CTDP1: variants seen among roughly 807,000 people sequenced by gnomAD.
CTDP1 encodes the protein RNA polymerase II subunit A C-terminal domain phosphatase.
A neutral mutation model predicts 91.8 loss-of-function variants in CTDP1; 47 were observed. That is an observed-to-expected ratio of 0.51 (90% CI 0.41 to 0.65). The LOEUF (loss-of-function observed/expected upper bound fraction) is 0.65. Among genes scored for constraint, CTDP1 ranks in the 30% least tolerant of loss-of-function variants. The probability of loss-of-function intolerance (pLI) is 0.00; values close to 1 mark genes in which losing one functional copy is unlikely to be tolerated. For missense variants in CTDP1, 1,272 were observed against 1,373.7 expected (o/e 0.93, Z 1.17); for synonymous variants, 656 against 598.5 (o/e 1.10, Z -1.40).
chr18:79,732,326 TA>T (rs1446046354), intron 11 of CTDP1, among the ~76,000 whole-genome samples: 1 of 149,338 alleles, frequency 6.7e-6, no homozygotes, highest in Non-Finnish European at 1.5e-5. Context: ...ACATGAGAAC[TA>T]ACATCAGGAG....
chr18:79,736,664 C>G, intron 12 of CTDP1, 143 bp downstream of exon 12: 1 of 858,192 alleles, frequency 1.2e-6, no homozygotes, highest in Non-Finnish European at 1.7e-6. Flanking sequence ...AACTCAGCAG[C>G]CCCTGGTGAT....
chr18:79,731,334 C>T (rs979177646), intron 11 of CTDP1, among the ~76,000 whole-genome samples: 21 of 152,170 alleles, frequency 1.4e-4, no homozygotes, highest in Non-Finnish European at 2.9e-5. Flanking sequence ...GAGGAAGGGT[C>T]TCCACGTCGA....
chr18:79,702,001 C>T (rs1384943504), intron 4 of CTDP1, among the ~76,000 whole-genome samples: 3 of 152,198 alleles, frequency 2.0e-5, no homozygotes, highest in African/African-American at 7.2e-5. Context: ...GGAGAAGATG[C>T]TGCGAATGTT....
chr18:79,741,018 GGTCCCCCGTGCGGTTGATCTGTCCCTGA>G lies in CTDP1; in HGVS notation c.2747+4503_2747+4530del, dbSNP rs1401380620. 1.0e-4 allele frequency among the ~76,000 whole-genome samples: 15 copies of G among 146,044 alleles called. 1 individual carries two copies. The East Asian group carries it at 3.2e-3, about 31-fold the overall frequency. ...GGTTGATCTGTCCCTGAGTCCCTGA[GGTCCCCCGTGCGGTTGATCTGTCCCTGA>G]GTCCCTGAGGTCCCCCGTACGGTTG... On this transcript the variant is annotated intron_variant, in intron 12 of 12. Coordinates refer to ENST00000613122, the MANE Select transcript of CTDP1 (RefSeq NM_004715.5).
chr18:79,727,156 AG>A (rs2122722716), intron 10 of CTDP1, among the ~76,000 whole-genome samples: 1 of 152,258 alleles, frequency 6.6e-6, no homozygotes, highest in East Asian at 1.9e-4. Context: ...GAGACCCCAG[AG>A]GTGGGGTGTT....
intron 12 of CTDP1, among the ~76,000 whole-genome samples, chr18:79,748,933 G>A (rs145118773): frequency 1.5e-3 from 220 of 147,430 alleles, no homozygotes; most frequent in African/African-American, 4.8e-3. Flanking sequence ...TGTGTGAGCC[G>A]TGTTGGTGCA....
rs769892450 is a variant in CTDP1 at position 79,714,819 on chromosome 18, C to A, written c.1359C>A (p.Asp453Glu). 6.2e-7 allele frequency: 1 copy of A among 1,602,884 alleles called. No homozygotes were observed. The highest frequency in any genetic ancestry group is 8.5e-7 in the Non-Finnish European group (1 of 1,175,958). The change falls in exon 8 of 13, where the codon GAC (aspartate) becomes GAA (glutamate). Residue 453 changes from aspartate (D) to glutamate (E), a missense_variant. Transcript: ENST00000613122. ...CCACGGGCACTGACCTGGACTTTGA[C>A]TTATCCAGCGACAGCGAGAGCAGCA... ...QGATGTDLDFDLSSDSESSSE... is the reference protein window; with the variant it reads ...QGATGTDLDFELSSDSESSSE...
intron 5 of CTDP1, among the ~76,000 whole-genome samples, chr18:79,705,885 T>C: frequency 6.6e-6 from 1 of 152,246 alleles, no homozygotes; most frequent in Non-Finnish European, 1.5e-5. Flanking sequence ...AATATTCACC[T>C]GTAACATTAT....
chr18:79,718,269 C>G (rs1344385836), intron 10 of CTDP1, among the ~76,000 whole-genome samples: 1 of 152,190 alleles, frequency 6.6e-6, no homozygotes, highest in Admixed American at 6.5e-5. Context: ...TGTCCAGGCA[C>G]CCGCATGTGC....
chr18:79,725,070 T>C (rs2086418393), intron 10 of CTDP1, among the ~76,000 whole-genome samples: 1 of 152,254 alleles, frequency 6.6e-6, no homozygotes, highest in Non-Finnish European at 1.5e-5. Context: ...TGTGTGGTTT[T>C]TCTTCTTTTG....
At chr18:79,687,767 T>G (rs1325068365) in intron 1 of CTDP1, among the ~76,000 whole-genome samples, 1 of 152,274 alleles carries the variant, frequency 6.6e-6, no homozygotes, top group Non-Finnish European at 1.5e-5. Context: ...TTAAAGTGTT[T>G]TCAGGCTGGA....
At position 79,708,027 on chromosome 18, in the gene CTDP1, A is replaced by G. The variant is rs371950736; in HGVS notation, c.773-2319A>G. 4.0e-4 allele frequency among the ~76,000 whole-genome samples: 61 copies of G among 152,370 alleles called. No homozygotes were observed. The East Asian group carries it at 9.1e-3, about 23-fold the overall frequency. ...CTCAGTGATCATCTGGAATTTACGCATAGTGAGAAACAATCGCATTTATTT... is the reference window on the plus strand; with the variant it reads ...CTCAGTGATCATCTGGAATTTACGCGTAGTGAGAAACAATCGCATTTATTT... On this transcript the variant is annotated intron_variant, in intron 5 of 12. Coordinates refer to ENST00000613122, the MANE Select transcript of CTDP1 (RefSeq NM_004715.5).
At chr18:79,756,570 T>G (rs1298598447), downstream of CTDP1, 17 of 152,248 alleles carry the variant, frequency 1.1e-4, no homozygotes, top group Non-Finnish European at 2.2e-4. Context: ...GGGAAAATAT[T>G]AAATACTGAA....
chr18:79,684,137 A>T (rs2085434525), intron 1 of CTDP1, among the ~76,000 whole-genome samples: 1 of 152,190 alleles, frequency 6.6e-6, no homozygotes, highest in South Asian at 2.1e-4. Context: ...TCTTGACCCC[A>T]CTGGCCGCCG....
chr18:79,735,201 T>C (rs2086641583), intron 11 of CTDP1, among the ~76,000 whole-genome samples: 1 of 152,142 alleles, frequency 6.6e-6, no homozygotes, highest in Admixed American at 6.5e-5. Flanking sequence ...CCGTCCTCTG[T>C]GGCCGTTTCT....
chr18:79,696,600 C>T (rs933864428), intron 3 of CTDP1, among the ~76,000 whole-genome samples: 2 of 151,858 alleles, frequency 1.3e-5, no homozygotes, highest in East Asian at 1.9e-4. Flanking sequence ...GAAGCTGGCT[C>T]GGGAGAGTGG....
upstream of CTDP1, chr18:79,679,580 C>A (rs995430358): frequency 4.3e-6 from 2 of 469,288 alleles, no homozygotes; most frequent in Middle Eastern, 4.1e-4. Flanking sequence ...GCGCCAAGAC[C>A]GTCACTGGGA....
intron 1 of CTDP1, among the ~76,000 whole-genome samples, chr18:79,686,918 C>G (rs62097712): frequency 1.4e-5 from 2 of 144,464 alleles, no homozygotes; most frequent in East Asian, 2.1e-4. Context: ...GCCTGCACCG[C>G]AGCAGTTGGC....
At chr18:79,720,672 G>A (rs2086325932) in intron 10 of CTDP1, among the ~76,000 whole-genome samples, 1 of 152,244 alleles carries the variant, frequency 6.6e-6, no homozygotes, top group Non-Finnish European at 1.5e-5. Context: ...AGGGCTTCCT[G>A]TTGCGGGCTG....
Sources: allele counts gnomAD v4.1 joint callset (sites outside exome capture counted in the v4.1 genomes callset), GRCh38; gene constraint gnomAD v4.1.1; transcripts MANE v1.5; gene names NCBI Gene and HGNC (gene_info 2026-07-23, HGNC 2026-07-21).